ABCA1: variants seen among roughly 807,000 people sequenced by gnomAD.
The protein encoded by ABCA1 is phospholipid-transporting ATPase ABCA1.
In ABCA1, 133 loss-of-function variants were observed where a neutral mutation model predicts 262.5. That is an observed-to-expected ratio of 0.51 (90% CI 0.44 to 0.59). ABCA1 has a LOEUF of 0.59. Ranked by LOEUF, ABCA1 falls within the 20% of genes least tolerant of loss-of-function variation. The pLI, the probability that ABCA1 is intolerant of heterozygous loss-of-function variation, is 0.00. For missense variants in ABCA1, 2,452 were observed against 2,777.5 expected (o/e 0.88, Z 2.63); for synonymous variants, 1,022 against 1,043.5 (o/e 0.98, Z 0.40).
At chr9:104,826,516 A>G (rs1376305528) in intron 16 of ABCA1, among the ~76,000 whole-genome samples, 1 of 152,244 alleles carries the variant, frequency 6.6e-6, no homozygotes, top group Non-Finnish European at 1.5e-5. Flanking sequence ...GCAAAACACC[A>G]TACTGGACAC....
At chr9:104,911,894 C>A (rs1233220966) in intron 1 of ABCA1, among the ~76,000 whole-genome samples, 1 of 152,180 alleles carries the variant, frequency 6.6e-6, no homozygotes, top group Non-Finnish European at 1.5e-5. Flanking sequence ...CAGAGGAATT[C>A]TATCATTCTA....
chr9:104,902,104 A>C (rs374325409), intron 2 of ABCA1, among the ~76,000 whole-genome samples: 12 of 152,302 alleles, frequency 7.9e-5, no homozygotes, highest in East Asian at 7.7e-4. Flanking sequence ...GTTTTTCTCA[A>C]AGGAAGATCT....
chr9:104,878,909 G>A (rs1408035974), intron 5 of ABCA1, among the ~76,000 whole-genome samples: 1 of 151,982 alleles, frequency 6.6e-6, no homozygotes, highest in Non-Finnish European at 1.5e-5. Flanking sequence ...CTTCCCAACT[G>A]GATCACAGAA....
At chr9:104,809,614 A>C in intron 29 of ABCA1, 50 bp from the exon 30 acceptor site, 1 of 1,457,158 alleles carries the variant, frequency 6.9e-7, no homozygotes, top group Non-Finnish European at 9.6e-7. Context: ...AAAACCAGTA[A>C]TCGAGAGATA....
intron 1 of ABCA1, among the ~76,000 whole-genome samples, chr9:104,923,022 G>A (rs755054615): frequency 6.6e-6 from 1 of 152,026 alleles, no homozygotes; most frequent in Non-Finnish European, 1.5e-5. Context: ...CAGCCAACAA[G>A]GCAGACTTTG....
At chr9:104,848,799 G>A (rs945072082) in intron 7 of ABCA1, among the ~76,000 whole-genome samples, 2 of 152,014 alleles carry the variant, frequency 1.3e-5, no homozygotes, top group Non-Finnish European at 2.9e-5. Context: ...TATATTCTGT[G>A]TCTGGTCCGC....
At chr9:104,784,477 C>T (rs757115183) in intron 49 of ABCA1, 22 bp from the exon 50 acceptor site, 63 of 1,613,696 alleles carry the variant, frequency 3.9e-5, no homozygotes, top group Non-Finnish European at 2.9e-5. Flanking sequence ...TTAAGATGGA[C>T]CTTTATAAAT....
Position 104,783,852 on chromosome 9 carries a change from G to A in ABCA1, c.*463C>T, listed in dbSNP as rs1828684205. The A allele has an allele frequency of 5.9e-6, 1 of 169,294 alleles. No individual in the cohort carries two copies. The highest frequency in any genetic ancestry group is 2.4e-5 in the African/African-American group (1 of 41,582). The allele number at this position is 169,294 out of a possible 1,614,324, so 10.5% of individuals were successfully genotyped here. ...GGCACACTCATTGCCAGCAATGGAT[G>A]TGTCACCGGGAAACCAGTCTCCTGG... On this transcript the variant is annotated 3_prime_UTR_variant, in exon 50 of 50. Coordinates refer to ENST00000374736, the MANE Select transcript of ABCA1 (RefSeq NM_005502.4).
chr9:104,827,280 C>T, intron 15 of ABCA1, 111 bp from the exon 16 acceptor site: 7 of 899,690 alleles, frequency 7.8e-6, no homozygotes, highest in South Asian at 1.4e-5. Context: ...AGAGACAATG[C>T]AGAGGCGTAA....
intron 8 of ABCA1, among the ~76,000 whole-genome samples, chr9:104,840,883 G>A (rs1167961607): frequency 6.6e-6 from 1 of 152,102 alleles, no homozygotes; most frequent in East Asian, 1.9e-4. Flanking sequence ...AAGCCCCTGG[G>A]GCTGGGCTTC....
At chr9:104,822,803 G>C in intron 18 of ABCA1, 136 bp from the exon 19 acceptor site, 1 of 964,098 alleles carries the variant, frequency 1.0e-6, no homozygotes, top group Non-Finnish European at 1.6e-6. Context: ...GCAGGCAGGA[G>C]GCTATAAATG....
In ABCA1 at chr9:104,814,431, G is replaced by C; in HGVS notation, c.3783C>G (p.Thr1261=). The change falls in exon 26 of 50, where the codon ACC becomes ACG. Residue 1261 remains threonine (T), a synonymous_variant. Coordinates refer to ENST00000374736, the MANE Select transcript of ABCA1 (RefSeq NM_005502.4). The stretch of plus-strand genomic sequence containing the variant: ...ATTCTCCCTCAAGGCAGTTACCTGA[G>C]GTCTCAGCATCCACCCCACTCTCTT... ...VAEESGVDAE[T]SDGTLPARRN... 6.2e-7 allele frequency: 1 copy of C among 1,614,172 alleles called. No individual in the cohort carries two copies. Among genetic ancestry groups the C allele is most frequent in the Non-Finnish European group, 8.5e-7 (1 of 1,180,020 alleles).
In ABCA1 at chr9:104,858,697, A is replaced by G; in HGVS notation, c.545T>C (p.Val182Ala). The change falls in exon 7 of 50, where the codon GTA becomes GCA. Residue 182 changes from valine to alanine, a missense_variant and splice_region_variant. By Grantham distance (64) the Val-to-Ala change is moderately conservative. Coordinates refer to ENST00000374736, the MANE Select transcript of ABCA1 (RefSeq NM_005502.4). ...ATGTAACTGGTAGCCTTGCAAAAATACCTGGAAGCATTTCATGCAAAGAGA... is the reference window on the plus strand; with the variant it reads ...ATGTAACTGGTAGCCTTGCAAAAATGCCTGGAAGCATTTCATGCAAAGAGA... ...MLRADVILHK[V>A]FLQGYQLHLT... 6.2e-7 allele frequency: 1 copy of G among 1,614,138 alleles called. No individual in the cohort carries two copies. Among genetic ancestry groups the G allele is most frequent in the Non-Finnish European group, 8.5e-7 (1 of 1,180,014 alleles).
intron 7 of ABCA1, among the ~76,000 whole-genome samples, chr9:104,856,722 C>T (rs902398298): frequency 2.0e-5 from 3 of 152,238 alleles, no homozygotes; most frequent in South Asian, 2.1e-4. Context: ...GGCACAGCAC[C>T]GGAACAAATT....
At chr9:104,824,198 G>C (rs1198927353) in intron 18 of ABCA1, among the ~76,000 whole-genome samples, 1 of 152,168 alleles carries the variant, frequency 6.6e-6, no homozygotes. Flanking sequence ...GTGTGTTTGG[G>C]AGGGGGCAAG....
intron 30 of ABCA1, 27 bp downstream of exon 30, chr9:104,809,439 C>T: frequency 6.2e-7 from 1 of 1,607,948 alleles, no homozygotes; most frequent in Non-Finnish European, 8.5e-7. Flanking sequence ...GCACAAGAAG[C>T]CTGCTTATGG....
At chr9:104,797,213 T>C (rs1829974789) in intron 37 of ABCA1, among the ~76,000 whole-genome samples, 1 of 152,210 alleles carries the variant, frequency 6.6e-6, no homozygotes, top group Non-Finnish European at 1.5e-5. Flanking sequence ...GAATCACCTA[T>C]GCCTGGCATA....
chr9:104,872,575 G>T (rs181946067), intron 5 of ABCA1, among the ~76,000 whole-genome samples: 2 of 152,304 alleles, frequency 1.3e-5, no homozygotes, highest in East Asian at 3.9e-4. Context: ...ATTTGCCCCT[G>T]CTAGTGCTGT....
intron 7 of ABCA1, among the ~76,000 whole-genome samples, chr9:104,846,935 G>C (rs921764626): frequency 6.6e-6 from 1 of 152,110 alleles, no homozygotes; most frequent in Non-Finnish European, 1.5e-5. Context: ...ATAACTAAAG[G>C]TTAACACACT....
Sources: allele counts gnomAD v4.1 joint callset (sites outside exome capture counted in the v4.1 genomes callset), GRCh38; gene constraint gnomAD v4.1.1; transcripts MANE v1.5; gene names NCBI Gene and HGNC (gene_info 2026-07-23, HGNC 2026-07-21).